Variants in PBX3 observed in about 807,000 individuals in gnomAD.
PBX3 encodes the protein PBX homeobox 3, also known as pre-B-cell leukemia transcription factor 3.
In PBX3, 14 loss-of-function variants were observed where a neutral mutation model predicts 48.5. The observed-to-expected ratio is 0.29, with a 90% CI of 0.19 to 0.45. PBX3 has a LOEUF of 0.45. Among genes scored for constraint, PBX3 ranks in the 20% least tolerant of loss-of-function variants. The pLI, the probability that PBX3 is intolerant of heterozygous loss-of-function variation, is 1.00. For synonymous variants in PBX3, 210 were observed against 200.3 expected (o/e 1.05, Z -0.41); for missense variants, 386 against 546.7 (o/e 0.71, Z 2.93).
chr9:125,803,156 C>T (rs376520687), intron 2 of PBX3, among the ~76,000 whole-genome samples: 9 of 136,908 alleles, frequency 6.6e-5, no homozygotes, highest in African/African-American at 2.3e-4. Context: ...TGCAGTGGTG[C>T]GATCTCCCCT....
rs1564651731 is a variant in PBX3, at chr9:125,781,593, CGAGAGGG to C, written c.274+32971_274+32977del. ...GAGGGGAGAGGGGAGAGGCGAGAGG[CGAGAGGG>C]AGAGGCAGAGGCAGAGGCAGAACCT... On this transcript the variant is annotated intron_variant, in intron 2 of 8. Coordinates refer to ENST00000373489, the MANE Select transcript of PBX3 (RefSeq NM_006195.6). 1.6e-3 allele frequency among the ~76,000 whole-genome samples: 227 copies of C among 146,272 alleles called. 3 individuals carry two copies. The highest frequency in any genetic ancestry group is 0.011 in the East Asian group (51 of 4,634).
intron 2 of PBX3, among the ~76,000 whole-genome samples, chr9:125,893,993 T>C (rs1192128169): frequency 1.3e-5 from 2 of 151,606 alleles, no homozygotes; most frequent in Admixed American, 6.6e-5. Context: ...GCTGGCAAAA[T>C]GTTTTTAAGC....
intron 5 of PBX3, among the ~76,000 whole-genome samples, chr9:125,958,718 T>C (rs1313446568): frequency 2.0e-5 from 3 of 152,210 alleles, no homozygotes; most frequent in African/African-American, 7.2e-5. Context: ...TTGGAAGTTG[T>C]GGCAGAACAT....
chr9:125,754,880 ATATT>A (rs976122812), intron 2 of PBX3, among the ~76,000 whole-genome samples: 1 of 152,136 alleles, frequency 6.6e-6, no homozygotes, highest in Non-Finnish European at 1.5e-5. Flanking sequence ...GCAATTAAAA[ATATT>A]TATGGATAAA....
intron 2 of PBX3, among the ~76,000 whole-genome samples, chr9:125,811,538 G>A (rs975075533): frequency 2.0e-5 from 3 of 152,130 alleles, no homozygotes; most frequent in Admixed American, 2.0e-4. Flanking sequence ...TTGCTTCCCT[G>A]TGAAGAGGTT....
chr9:125,950,963 C>T lies in PBX3; in HGVS notation c.844-9721C>T, dbSNP rs560952797. ...ATTGAGTAAAGAATAATTTTCGAAA[C>T]TTGTTTTAAGTATTAAGAGAAAACA... On this transcript the variant is annotated intron_variant, in intron 5 of 8. Transcript: ENST00000373489. 7.2e-5 allele frequency among the ~76,000 whole-genome samples: 11 copies of T among 152,268 alleles called. No individual in the cohort carries two copies. In the East Asian group the frequency reaches 1.5e-3, roughly 21 times the overall value.
At chr9:125,900,427 A>G (rs749410413) in intron 2 of PBX3, among the ~76,000 whole-genome samples, 4 of 151,624 alleles carry the variant, frequency 2.6e-5, no homozygotes, top group Non-Finnish European at 4.4e-5. Context: ...GGGTCTGAAT[A>G]GTGAATTACC....
At chr9:125,795,469 GT>G (rs567141238) in intron 2 of PBX3, among the ~76,000 whole-genome samples, 1 of 152,134 alleles carries the variant, frequency 6.6e-6, no homozygotes, top group South Asian at 2.1e-4. Context: ...ATGCTCTAGA[GT>G]TAACCATTAA....
At chr9:125,773,043 G>A (rs1406363888) in intron 2 of PBX3, among the ~76,000 whole-genome samples, 1 of 152,220 alleles carries the variant, frequency 6.6e-6, no homozygotes, top group East Asian at 1.9e-4. Flanking sequence ...AGTTCTGTGC[G>A]AGGGTAGTAT....
intron 2 of PBX3, among the ~76,000 whole-genome samples, chr9:125,910,849 C>T (rs1007297788): frequency 1.3e-5 from 2 of 151,630 alleles, no homozygotes; most frequent in African/African-American, 2.4e-5. Flanking sequence ...ATGACTATTT[C>T]TTTCATTACA....
intron 2 of PBX3, among the ~76,000 whole-genome samples, chr9:125,751,405 G>T (rs1338699738): frequency 2.0e-5 from 3 of 152,070 alleles, no homozygotes; most frequent in African/African-American, 7.2e-5. Context: ...TGCACATGGG[G>T]GATTTAGTTT....
chr9:125,945,467 G>A (rs1842046240), intron 5 of PBX3, among the ~76,000 whole-genome samples: 1 of 152,134 alleles, frequency 6.6e-6, no homozygotes, highest in Non-Finnish European at 1.5e-5. Flanking sequence ...CTTCAAGAAG[G>A]CTTTCCTTGA....
chr9:125,776,923 T>G (rs1395886796), intron 2 of PBX3, among the ~76,000 whole-genome samples: 1 of 152,174 alleles, frequency 6.6e-6, no homozygotes, highest in African/African-American at 2.4e-5. Flanking sequence ...TGAGATTAGT[T>G]CCAGTGATCT....
intron 4 of PBX3, among the ~76,000 whole-genome samples, chr9:125,931,844 G>T (rs1360015081): frequency 6.6e-6 from 1 of 151,854 alleles, no homozygotes; most frequent in South Asian, 2.1e-4. Context: ...AAATGGAGAG[G>T]GTACTATTTT....
intron 2 of PBX3, among the ~76,000 whole-genome samples, chr9:125,820,699 A>G (rs562637985): frequency 2.7e-4 from 41 of 152,330 alleles, no homozygotes; most frequent in African/African-American, 9.6e-4. Flanking sequence ...GCACCTAGAT[A>G]TAGTTAATGC....
At chr9:125,843,417 G>C (rs551795431) in intron 2 of PBX3, among the ~76,000 whole-genome samples, 22 of 151,988 alleles carry the variant, frequency 1.4e-4, no homozygotes, top group Admixed American at 1.1e-3. Context: ...GGTCATATGG[G>C]GTATACGGAG....
At chr9:125,889,595 G>C (rs1011821776) in intron 2 of PBX3, among the ~76,000 whole-genome samples, 6 of 152,128 alleles carry the variant, frequency 3.9e-5, no homozygotes, top group African/African-American at 1.4e-4. Context: ...TTCCACCCCT[G>C]TTGTGATGCT....
chr9:125,771,568 C>T (rs890260995), intron 2 of PBX3, among the ~76,000 whole-genome samples: 1 of 152,118 alleles, frequency 6.6e-6, no homozygotes, highest in Non-Finnish European at 1.5e-5. Context: ...AGGTTACTCT[C>T]CTTGCATGAT....
intron 4 of PBX3, among the ~76,000 whole-genome samples, chr9:125,933,394 C>A (rs573727066): frequency 5.9e-5 from 9 of 152,200 alleles, no homozygotes; most frequent in Non-Finnish European, 1.2e-4. Flanking sequence ...GTGAGCTATT[C>A]CGTTTGTTCT....
Sources: gnomAD v4.1 joint callset for allele counts (sites outside exome capture counted in the v4.1 genomes callset) on GRCh38, gnomAD v4.1.1 for gene constraint, MANE v1.5 for transcripts, NCBI Gene and HGNC (gene_info 2026-07-23, HGNC 2026-07-21) for gene names.